RALGPS2: variants seen among roughly 807,000 people sequenced by gnomAD.
RALGPS2 encodes the protein Ral GEF with PH domain and SH3 binding motif 2.
Under a neutral mutation model 86.8 loss-of-function variants are expected in RALGPS2, and 43 were observed. That is an observed-to-expected ratio of 0.50 (90% CI 0.39 to 0.64). RALGPS2 has a LOEUF of 0.64. Ranked by LOEUF, RALGPS2 falls within the 30% of genes least tolerant of loss-of-function variation. The probability of loss-of-function intolerance (pLI) is 0.00; values close to 1 mark genes in which losing one functional copy is unlikely to be tolerated. For synonymous variants in RALGPS2, 243 were observed against 231.3 expected, an observed-to-expected ratio of 1.05 and a Z score of -0.46; for missense variants, 536 against 694.6, an observed-to-expected ratio of 0.77 and a Z score of 2.57.
intron 14 of RALGPS2, among the ~76,000 whole-genome samples, chr1:178,890,502 T>C (rs1347503349): frequency 6.6e-6 from 1 of 151,918 alleles, no homozygotes; most frequent in Non-Finnish European, 1.5e-5. Flanking sequence ...AGCGGGTCAT[T>C]TAGATTGAAT....
At chr1:178,798,105 G>A (rs187301821) in intron 4 of RALGPS2, among the ~76,000 whole-genome samples, 163 of 151,888 alleles carry the variant, frequency 1.1e-3, no homozygotes, top group African/African-American at 3.6e-3. Flanking sequence ...TTACTACCAT[G>A]AGATATATCC....
chr1:178,901,865 A>G (rs992054594), intron 17 of RALGPS2, among the ~76,000 whole-genome samples: 1 of 152,034 alleles, frequency 6.6e-6, no homozygotes, highest in Non-Finnish European at 1.5e-5. Flanking sequence ...TAGGGAATAG[A>G]TCAGTTAGGT....
At chr1:178,805,940 A>C (rs1484079296) in intron 4 of RALGPS2, among the ~76,000 whole-genome samples, 1 of 152,082 alleles carries the variant, frequency 6.6e-6, no homozygotes, top group Non-Finnish European at 1.5e-5. Flanking sequence ...CAAACACATA[A>C]GGAATTTTTT....
At chr1:178,858,630 G>T (rs1558154182) in intron 8 of RALGPS2, among the ~76,000 whole-genome samples, 2 of 152,244 alleles carry the variant, frequency 1.3e-5, no homozygotes, top group South Asian at 4.1e-4. Context: ...CTCAATTTAT[G>T]TGAGGATTAA....
intron 8 of RALGPS2, among the ~76,000 whole-genome samples, chr1:178,876,777 A>G (rs1659022380): frequency 6.6e-6 from 1 of 152,154 alleles, no homozygotes; most frequent in Admixed American, 6.5e-5. Context: ...GTGACCTTTC[A>G]TGTTAAGGAC....
At chr1:178,844,128 A>G (rs1656751224) in intron 8 of RALGPS2, among the ~76,000 whole-genome samples, 1 of 152,184 alleles carries the variant, frequency 6.6e-6, no homozygotes, top group East Asian at 1.9e-4. Context: ...AAAACTCATT[A>G]TGCAAATTGG....
At chr1:178,906,708 A>T in intron 18 of RALGPS2, 68 bp from the exon 19 acceptor site, 2 of 1,273,932 alleles carry the variant, frequency 1.6e-6, no homozygotes, top group Admixed American at 2.1e-5. Flanking sequence ...GCTCATTATT[A>T]TCTGGCAGAA....
At chr1:178,767,433 G>C (rs1257951041) in intron 1 of RALGPS2, among the ~76,000 whole-genome samples, 1 of 148,694 alleles carries the variant, frequency 6.7e-6, no homozygotes, top group Non-Finnish European at 1.5e-5. Flanking sequence ...TATAAGGTGG[G>C]TTCAGTCGAC....
intron 8 of RALGPS2, among the ~76,000 whole-genome samples, chr1:178,856,420 T>TTTTTTTTTTTTTG (rs1558152822): frequency 9.1e-5 from 11 of 120,578 alleles, no homozygotes; most frequent in African/African-American, 3.8e-4. Context: ...TTTTTTTTTT[T>TTTTTTTTTTTTTG]TTTTTTGAGA....
chr1:178,907,707 A>ATGC (rs1660445416), intron 19 of RALGPS2, among the ~76,000 whole-genome samples: 1 of 152,238 alleles, frequency 6.6e-6, no homozygotes, highest in Admixed American at 6.5e-5. Flanking sequence ...CATATTGATA[A>ATGC]TGCAGAAGTC....
At position 178,814,854 on chromosome 1, in the gene RALGPS2, C is replaced by T. The variant is rs79021086; in HGVS notation, c.387+3450C>T. Among the ~76,000 whole-genome samples, 301 of 152,304 alleles carry T rather than the reference C, an allele frequency of 2.0e-3. 4 individuals are homozygous for T. Among genetic ancestry groups the T allele is most frequent in the East Asian group, 0.013 (68 of 5,184 alleles). ...GCCTGTTGCTCCACATCCATGTCAC[C>T]ATCTGATATTGTCAAAATTTTTCAT... On this transcript the variant is annotated intron_variant, in intron 6 of 19. Coordinates refer to ENST00000367635, the MANE Select transcript of RALGPS2 (RefSeq NM_152663.5).
intron 1 of RALGPS2, among the ~76,000 whole-genome samples, chr1:178,726,650 T>A (rs1650027674): frequency 6.6e-6 from 1 of 152,190 alleles, no homozygotes; most frequent in Admixed American, 6.5e-5. Flanking sequence ...TTATGCTCCC[T>A]GGATTTTTTT....
chr1:178,836,206 G>T (rs1656265839), intron 8 of RALGPS2, among the ~76,000 whole-genome samples: 2 of 152,224 alleles, frequency 1.3e-5, no homozygotes, highest in South Asian at 4.1e-4. Context: ...AGGTTTTCTA[G>T]TGGAGAATAT....
chr1:178,916,405 A>G lies in RALGPS2; in HGVS notation c.*46A>G, dbSNP rs781094235. 3 of 1,542,716 alleles carry G rather than the reference A, an allele frequency of 1.9e-6. No individual in the cohort carries two copies. Among genetic ancestry groups the G allele is most frequent in the South Asian group, 2.3e-5 (2 of 86,962 alleles). Reference sequence around the variant, plus strand: ...GGTGAACTGTTGCTTCTACGTGAGCATGAGGACCTGATAAAAGAGCGCCAG... The same window carrying G: ...GGTGAACTGTTGCTTCTACGTGAGCGTGAGGACCTGATAAAAGAGCGCCAG... On this transcript the variant is annotated 3_prime_UTR_variant, in exon 20 of 20. Coordinates refer to ENST00000367635, the MANE Select transcript of RALGPS2 (RefSeq NM_152663.5).
intron 10 of RALGPS2, 186 bp downstream of exon 10, chr1:178,879,178 A>G: frequency 1.5e-6 from 1 of 675,098 alleles, no homozygotes; most frequent in East Asian, 3.5e-5. Context: ...CAATATACAA[A>G]TACCTCATCT....
intron 1 of RALGPS2, among the ~76,000 whole-genome samples, chr1:178,753,974 G>A (rs1233860047): frequency 1.3e-5 from 2 of 152,020 alleles, no homozygotes; most frequent in Non-Finnish European, 2.9e-5. Flanking sequence ...TGGGACTACA[G>A]GCGCCCGCCA....
intron 2 of RALGPS2, among the ~76,000 whole-genome samples, chr1:178,779,731 GT>G (rs1653287736): frequency 6.6e-6 from 1 of 152,146 alleles, no homozygotes; most frequent in Non-Finnish European, 1.5e-5. Flanking sequence ...TAGATGTGTT[GT>G]TTATTTGTGG....
intron 1 of RALGPS2, among the ~76,000 whole-genome samples, chr1:178,753,004 C>G (rs953110978): frequency 1.3e-5 from 2 of 152,158 alleles, no homozygotes; most frequent in Non-Finnish European, 2.9e-5. Flanking sequence ...TTGTGACAAA[C>G]ATTGCCCTTT....
intron 17 of RALGPS2, among the ~76,000 whole-genome samples, chr1:178,899,950 T>A (rs1250304719): frequency 1.3e-5 from 2 of 152,092 alleles, no homozygotes; most frequent in East Asian, 1.9e-4. Flanking sequence ...TGTGGTTGTC[T>A]CTTCAATTTC....
Sources: allele counts gnomAD v4.1 joint callset (sites outside exome capture counted in the v4.1 genomes callset), GRCh38; gene constraint gnomAD v4.1.1; transcripts MANE v1.5; gene names NCBI Gene and HGNC (gene_info 2026-07-23, HGNC 2026-07-21).